The following MAGI2 variants were observed in gnomAD, a reference collection of about 807,000 sequenced individuals.
The protein encoded by MAGI2 is membrane associated guanylate kinase, WW and PDZ domain containing 2.
In MAGI2, 35 loss-of-function variants were observed where a neutral mutation model predicts 133.3. The observed-to-expected ratio is 0.26, with a 90% CI of 0.20 to 0.35. The LOEUF is 0.35. MAGI2 is among the 10% of genes least tolerant of loss of function. MAGI2 has a pLI of 1.00. For missense variants in MAGI2, 1,636 were observed against 1,863.4 expected (o/e 0.88, Z 2.25); for synonymous variants, 729 against 710.6 (o/e 1.03, Z -0.41).
chr7:78,227,883 T>TGTGTGTG (rs1563292086), intron 10 of MAGI2, among the ~76,000 whole-genome samples: 7 of 149,200 alleles, frequency 4.7e-5, no homozygotes, highest in South Asian at 2.1e-4. Flanking sequence ...TGTGTGTGTG[T>TGTGTGTG]TTTAAACCCT....
chr7:78,463,284 G>C (rs910042699), intron 6 of MAGI2, among the ~76,000 whole-genome samples: 8 of 152,286 alleles, frequency 5.3e-5, no homozygotes, highest in Non-Finnish European at 8.8e-5. Flanking sequence ...TGCCGTGACA[G>C]AAAAGACATG....
chr7:78,331,327 CA>C (rs777256497), intron 9 of MAGI2, among the ~76,000 whole-genome samples: 23 of 95,042 alleles, frequency 2.4e-4, no homozygotes, highest in Admixed American at 3.9e-4. Flanking sequence ...ACCTATGTAA[CA>C]AACCTGCACA....
At chr7:79,222,550 A>C (rs914658855) in intron 1 of MAGI2, among the ~76,000 whole-genome samples, 3 of 152,066 alleles carry the variant, frequency 2.0e-5, no homozygotes, top group Non-Finnish European at 4.4e-5. Context: ...GATTCTGCAT[A>C]ATAAAAACCA....
intron 21 of MAGI2, among the ~76,000 whole-genome samples, chr7:78,055,649 A>G (rs1446850816): frequency 6.6e-6 from 1 of 152,192 alleles, no homozygotes; most frequent in Admixed American, 6.5e-5. Context: ...CCCCTGGTAG[A>G]GTCCTCCTTC....
intron 2 of MAGI2, among the ~76,000 whole-genome samples, chr7:78,653,112 G>T (rs1045392217): frequency 1.3e-5 from 2 of 152,098 alleles, no homozygotes; most frequent in African/African-American, 4.8e-5. Context: ...TTAGAATGGC[G>T]ATCATTAAAA....
In MAGI2 at chr7:79,381,867, A is replaced by G. The variant is rs147804271; in HGVS notation, c.301+71153T>C. Among the ~76,000 whole-genome samples the G allele has an allele frequency of 6.6e-5, 10 of 151,900 alleles. No individual in the cohort carries two copies. The East Asian group carries it at 1.7e-3, about 26-fold the overall frequency. ...TTGTATTATAAACATGTTATTAGTA[A>G]CCTTAGTTGTAACAAAGCACATTTA... On this transcript the variant is annotated intron_variant, in intron 1 of 21. Transcript: ENST00000354212.
At chr7:79,283,622 A>G (rs1280851441) in intron 1 of MAGI2, among the ~76,000 whole-genome samples, 1 of 152,120 alleles carries the variant, frequency 6.6e-6, no homozygotes, top group Non-Finnish European at 1.5e-5. Context: ...TATGGCCAAT[A>G]AGACAAGAGA....
chr7:78,275,073 G>C (rs1261470134), intron 9 of MAGI2, among the ~76,000 whole-genome samples: 3 of 152,176 alleles, frequency 2.0e-5, no homozygotes, highest in Non-Finnish European at 2.9e-5. Context: ...GGGCCCTGGT[G>C]GGGTAGGCAC....
chr7:79,205,019 T>G (rs1828922694), intron 1 of MAGI2, among the ~76,000 whole-genome samples: 1 of 151,602 alleles, frequency 6.6e-6, no homozygotes, highest in Non-Finnish European at 1.5e-5. Flanking sequence ...TCACAGGAAT[T>G]TCAGAAAGTG....
intron 2 of MAGI2, among the ~76,000 whole-genome samples, chr7:78,757,145 G>A (rs1307119255): frequency 1.3e-5 from 2 of 152,028 alleles, no homozygotes; most frequent in Non-Finnish European, 2.9e-5. Flanking sequence ...CTAACTCCTT[G>A]TTTGCCCATA....
intron 3 of MAGI2, among the ~76,000 whole-genome samples, chr7:78,593,125 ATTT>A (rs61169098): frequency 2.7e-5 from 4 of 148,914 alleles, no homozygotes; most frequent in Non-Finnish European, 4.4e-5. Context: ...CTGGCCCCTG[ATTT>A]TTTTTTTCTT....
chr7:78,574,084 G>T (rs1002335558), intron 3 of MAGI2, among the ~76,000 whole-genome samples: 1 of 152,152 alleles, frequency 6.6e-6, no homozygotes, highest in Non-Finnish European at 1.5e-5. Flanking sequence ...AAGGGTAGTT[G>T]GTTGGATATA....
At chr7:78,935,234 T>C (rs1800426051) in intron 2 of MAGI2, among the ~76,000 whole-genome samples, 1 of 152,182 alleles carries the variant, frequency 6.6e-6, no homozygotes, top group Non-Finnish European at 1.5e-5. Flanking sequence ...ATCCGTATTA[T>C]AATAAATAGT....
At chr7:78,523,590 G>A (rs1392541107) in intron 3 of MAGI2, among the ~76,000 whole-genome samples, 1 of 152,152 alleles carries the variant, frequency 6.6e-6, no homozygotes, top group African/African-American at 2.4e-5. Flanking sequence ...AGGCTGTGGA[G>A]GCCTCAGGAA....
chr7:78,868,762 C>CT (rs202122901), intron 2 of MAGI2, among the ~76,000 whole-genome samples: 79,749 of 150,712 alleles, frequency 0.53, 21,480 homozygotes, highest in East Asian at 0.72. Flanking sequence ...GTAATACATA[C>CT]TTTTTTTTTG....
At chr7:78,988,238 A>G (rs988923564) in intron 2 of MAGI2, among the ~76,000 whole-genome samples, 1 of 152,078 alleles carries the variant, frequency 6.6e-6, no homozygotes, top group African/African-American at 2.4e-5. Context: ...CCCAACTACA[A>G]ACAAAGCCAC....
intron 2 of MAGI2, among the ~76,000 whole-genome samples, chr7:78,942,654 A>C (rs757429040): frequency 1.3e-5 from 2 of 152,154 alleles, no homozygotes; most frequent in Non-Finnish European, 2.9e-5. Context: ...CAAAAACTGG[A>C]AACTCAGTTT....
intron 9 of MAGI2, among the ~76,000 whole-genome samples, chr7:78,297,278 G>A (rs1797350913): frequency 6.6e-6 from 1 of 151,964 alleles, no homozygotes; most frequent in African/African-American, 2.4e-5. Context: ...ACCACAATGA[G>A]ATACCATCTC....
At chr7:79,428,433 T>C (rs184622726) in intron 1 of MAGI2, among the ~76,000 whole-genome samples, 26 of 152,246 alleles carry the variant, frequency 1.7e-4, no homozygotes, top group South Asian at 2.1e-4. Context: ...CCCATAACAA[T>C]AACTTGTACC....
Sources: allele counts gnomAD v4.1 joint callset (sites outside exome capture counted in the v4.1 genomes callset), GRCh38; gene constraint gnomAD v4.1.1; transcripts MANE v1.5; gene names NCBI Gene and HGNC (gene_info 2026-07-23, HGNC 2026-07-21).